THSD7A: variants seen among roughly 807,000 people sequenced by gnomAD.
THSD7A encodes the protein thrombospondin type-1 domain-containing protein 7A.
Under a neutral mutation model 231.3 loss-of-function variants are expected in THSD7A, and 96 were observed. That is an observed-to-expected ratio of 0.41 (90% CI 0.35 to 0.49). The LOEUF (loss-of-function observed/expected upper bound fraction) is 0.49. Ranked by LOEUF, THSD7A falls within the 20% of genes least tolerant of loss-of-function variation. The pLI, the probability that THSD7A is intolerant of heterozygous loss-of-function variation, is 0.05. For missense variants in THSD7A, 2,290 were observed against 2,070.2 expected, an observed-to-expected ratio of 1.11 and a Z score of -2.06; for synonymous variants, 940 against 743.3, an observed-to-expected ratio of 1.26 and a Z score of -4.30.
intron 11 of THSD7A, among the ~76,000 whole-genome samples, chr7:11,457,206 C>T (rs1187605197): frequency 6.6e-6 from 1 of 152,046 alleles, no homozygotes; most frequent in Non-Finnish European, 1.5e-5. Context: ...ATCTCTACAG[C>T]TACATTTCTA....
At chr7:11,740,690 A>G (rs769240097) in intron 1 of THSD7A, among the ~76,000 whole-genome samples, 3 of 151,884 alleles carry the variant, frequency 2.0e-5, no homozygotes, top group Non-Finnish European at 4.4e-5. Context: ...TTCAGTGTTT[A>G]TATACCTTCT....
intron 2 of THSD7A, among the ~76,000 whole-genome samples, chr7:11,613,809 C>T (rs916857850): frequency 1.3e-5 from 2 of 152,166 alleles, no homozygotes; most frequent in South Asian, 2.1e-4. Context: ...AGTTTGATCT[C>T]CCCTGAATTA....
chr7:11,591,200 C>A (rs1049357286), intron 3 of THSD7A, among the ~76,000 whole-genome samples: 11 of 141,114 alleles, frequency 7.8e-5, no homozygotes, highest in Non-Finnish European at 1.0e-4. Flanking sequence ...CTAATGAGTG[C>A]GGATGCATGA....
At position 11,770,814 on chromosome 7, in the gene THSD7A, A is replaced by G. The variant is rs980922076; in HGVS notation, c.190+60943T>C. ...CTACTGACTATACTGAAATATATCA[A>G]GATTTTTTGGCTACGTAGAAGTATT... is the stretch of plus-strand genomic sequence containing the variant. On this transcript the variant is annotated intron_variant, in intron 1 of 27. Coordinates refer to ENST00000423059, the MANE Select transcript of THSD7A (RefSeq NM_015204.3). 2.6e-5 allele frequency among the ~76,000 whole-genome samples: 4 copies of G among 152,150 alleles called. No homozygotes were observed. In the South Asian group the frequency reaches 6.2e-4, roughly 24 times the overall value.
At chr7:11,551,956 A>G (rs761645769) in intron 4 of THSD7A, among the ~76,000 whole-genome samples, 1 of 152,176 alleles carries the variant, frequency 6.6e-6, no homozygotes, top group Non-Finnish European at 1.5e-5. Flanking sequence ...ATGCCCATCA[A>G]CAGTGAACTG....
intron 1 of THSD7A, among the ~76,000 whole-genome samples, chr7:11,658,908 A>G (rs1337412576): frequency 6.6e-6 from 1 of 151,766 alleles, no homozygotes; most frequent in African/African-American, 2.4e-5. Context: ...AACTCAGAAT[A>G]AATATAGTGT....
In THSD7A at chr7:11,637,126, A is replaced by AT. The variant is rs1327600548; in HGVS notation, c.191-166dup. Among the ~76,000 whole-genome samples the AT allele has an allele frequency of 6.6e-6, 1 of 152,142 alleles. No individual in the cohort carries two copies. The highest frequency in any genetic ancestry group is 1.5e-5 in the Non-Finnish European group (1 of 68,022). On this transcript the variant is annotated intron_variant, in intron 1 of 27. Coordinates refer to ENST00000423059, the MANE Select transcript of THSD7A (RefSeq NM_015204.3). The surrounding 1 kb of genome is among the most constrained non-coding windows in gnomAD (Gnocchi z 4.2). ...TGGAAAGTAATGATCCTCGCTAAGT[A>AT]TTTTTGCAAAAGGGGAACTGTGTCA...
chr7:11,483,690 T>C (rs1287562579), intron 6 of THSD7A, among the ~76,000 whole-genome samples: 5 of 152,188 alleles, frequency 3.3e-5, no homozygotes, highest in Non-Finnish European at 7.4e-5. Context: ...TGCTCTCTTA[T>C]ATCTTATTTT....
chr7:11,809,439 G>A (rs2128183760), intron 1 of THSD7A, among the ~76,000 whole-genome samples: 1 of 152,212 alleles, frequency 6.6e-6, no homozygotes, highest in East Asian at 1.9e-4. Flanking sequence ...GCACTTCAAA[G>A]ATGATATTAC....
chr7:11,565,611 T>G (rs1014392141), intron 4 of THSD7A, among the ~76,000 whole-genome samples: 7 of 136,826 alleles, frequency 5.1e-5, no homozygotes, highest in African/African-American at 2.0e-4. Context: ...AGGAAATGGT[T>G]GTGGGGGTTA....
chr7:11,793,527 T>TAG (rs1784024217), intron 1 of THSD7A, among the ~76,000 whole-genome samples: 1 of 148,690 alleles, frequency 6.7e-6, no homozygotes, highest in Non-Finnish European at 1.5e-5. Context: ...AGAAATACAA[T>TAG]CTTAGAAAAT....
rs138267733 is a variant in THSD7A at position 11,746,581 on chromosome 7, T to A, written c.190+85176A>T. 4.1e-4 allele frequency among the ~76,000 whole-genome samples: 63 copies of A among 152,030 alleles called. 2 individuals carry two copies. The highest frequency in any genetic ancestry group is 3.4e-3 in the Middle Eastern group (1 of 294). On this transcript the variant is annotated intron_variant, in intron 1 of 27. Transcript: ENST00000423059. ...CAATTTGGGTTTGTCTAATGTTTTC[T>A]CATGATTAACCTGTGGTTACTGGTT...
rs1168795766 is a variant in THSD7A at position 11,444,955 on chromosome 7, G to GTA, written c.3064+1104_3064+1105dup. ...ATATATAGAATGAAACTATATATAT[G>GTA]TATATATATATTAAATGAAACTTCT... On this transcript the variant is annotated intron_variant, in intron 13 of 27. Coordinates refer to ENST00000423059, the MANE Select transcript of THSD7A (RefSeq NM_015204.3). The surrounding 1 kb of genome is among the most constrained non-coding windows in gnomAD (Gnocchi z 4.2). Among the ~76,000 whole-genome samples, 3 of 147,650 alleles carry GTA rather than the reference G, an allele frequency of 2.0e-5. No individual in the cohort carries two copies. The highest frequency in any genetic ancestry group is 3.0e-5 in the Non-Finnish European group (2 of 67,160).
At chr7:11,598,153 CTGA>C (rs992972496) in intron 2 of THSD7A, among the ~76,000 whole-genome samples, 4 of 152,182 alleles carry the variant, frequency 2.6e-5, no homozygotes, top group Non-Finnish European at 5.9e-5. Flanking sequence ...GAGAAATGGC[CTGA>C]TGTGTGATTA....
At chr7:11,594,885 G>A (rs1220915816) in intron 2 of THSD7A, among the ~76,000 whole-genome samples, 2 of 152,174 alleles carry the variant, frequency 1.3e-5, no homozygotes, top group Admixed American at 6.5e-5. Context: ...GTTAAAGTGA[G>A]GGCATTGATT....
intron 1 of THSD7A, among the ~76,000 whole-genome samples, chr7:11,659,050 TAAAC>T (rs1324604205): frequency 1.3e-5 from 2 of 151,696 alleles, no homozygotes; most frequent in African/African-American, 2.4e-5. Flanking sequence ...TGAACTCACT[TAAAC>T]ACACACACAG....
In THSD7A at chr7:11,754,740, A is replaced by T. The variant is rs139623761; in HGVS notation, c.190+77017T>A. ...TAATGTATTTCCTAGGACATGGTTGATTTCAACATACAATGTAGTTCCTTT... is the reference window on the plus strand; with the variant it reads ...TAATGTATTTCCTAGGACATGGTTGTTTTCAACATACAATGTAGTTCCTTT... On this transcript the variant is annotated intron_variant, in intron 1 of 27. Coordinates refer to ENST00000423059, the MANE Select transcript of THSD7A (RefSeq NM_015204.3). Among the ~76,000 whole-genome samples, 127 of 152,226 alleles carry T rather than the reference A, an allele frequency of 8.3e-4. No homozygotes were observed. In the Middle Eastern group the frequency reaches 0.02, roughly 24 times the overall value.
chr7:11,639,906 A>T (rs776163187), intron 1 of THSD7A, among the ~76,000 whole-genome samples: 4 of 152,302 alleles, frequency 2.6e-5, no homozygotes, highest in African/African-American at 7.2e-5. Context: ...CAAGATAAGG[A>T]CTGGTGAAGA....
At chr7:11,559,817 T>C (rs1417016879) in intron 4 of THSD7A, among the ~76,000 whole-genome samples, 2 of 152,158 alleles carry the variant, frequency 1.3e-5, no homozygotes, top group Admixed American at 6.5e-5. Context: ...GGAGAAGACA[T>C]AAAGCAGCTA....
Sources: gnomAD v4.1 joint callset for allele counts (sites outside exome capture counted in the v4.1 genomes callset) on GRCh38, gnomAD v4.1.1 for gene constraint, Gnocchi (gnomAD v3.1) non-coding constraint, MANE v1.5 for transcripts, NCBI Gene and HGNC (gene_info 2026-07-23, HGNC 2026-07-21) for gene names.